Variants in PUDP observed in about 807,000 individuals in gnomAD.
PUDP encodes the protein pseudouridine-5'-phosphatase.
A neutral mutation model predicts 9.4 loss-of-function variants in PUDP; 8 were observed. The observed-to-expected ratio is 0.85, with a 90% CI of 0.50 to 1.53. PUDP has a LOEUF of 1.53. Ranked by LOEUF, PUDP falls within the 40% of genes most tolerant of loss-of-function variation. The pLI, the probability that PUDP is intolerant of heterozygous loss-of-function variation, is 0.00. For synonymous variants in PUDP, 99 were observed against 80.7 expected, an observed-to-expected ratio of 1.23 and a Z score of -1.22; for missense variants, 188 against 189.7, an observed-to-expected ratio of 0.99 and a Z score of 0.05.
At chrX:7,079,365 G>A (rs1421974426) in intron 2 of PUDP, among the ~76,000 whole-genome samples, 2 of 112,310 alleles carry the variant, frequency 1.8e-5, no homozygotes, top group Non-Finnish European at 3.8e-5. Flanking sequence ...AAACACAAAC[G>A]TAGAAGGAAG....
intron 3 of PUDP, among the ~76,000 whole-genome samples, chrX:6,741,179 C>T (rs1771227199): frequency 2.8e-5 from 3 of 107,388 alleles, no homozygotes; most frequent in South Asian, 7.8e-4. Context: ...AAAAAAAACT[C>T]GGCAGAGACT....
intron 3 of PUDP, among the ~76,000 whole-genome samples, chrX:6,775,307 A>G (rs765257516): frequency 8.9e-6 from 1 of 112,118 alleles, no homozygotes; most frequent in South Asian, 3.7e-4. Flanking sequence ...ATACTATTCA[A>G]CTGTATAGAT....
intron 3 of PUDP, among the ~76,000 whole-genome samples, chrX:6,901,549 G>A (rs750042316): frequency 4.5e-5 from 5 of 112,182 alleles, no homozygotes; most frequent in East Asian, 2.8e-4. Flanking sequence ...CTTGCTCCAC[G>A]GGGCGCAGCC....
At chrX:6,735,578 T>C (rs1354399178) in intron 3 of PUDP, among the ~76,000 whole-genome samples, 1 of 112,291 alleles carries the variant, frequency 8.9e-6, no homozygotes, top group Non-Finnish European at 1.9e-5. Flanking sequence ...TTTCACATAA[T>C]GATCTACCCA....
chrX:6,865,965 G>A (rs1292538970), intron 3 of PUDP, among the ~76,000 whole-genome samples: 1 of 111,302 alleles, frequency 9.0e-6, no homozygotes, highest in Non-Finnish European at 1.9e-5. Context: ...CTGTTGCCCA[G>A]GCCGGAGTAC....
intron 3 of PUDP, among the ~76,000 whole-genome samples, chrX:6,860,751 C>T (rs976956806): frequency 1.8e-5 from 2 of 112,232 alleles, no homozygotes; most frequent in Non-Finnish European, 3.8e-5. Flanking sequence ...GGATTACAGG[C>T]GTGAGCCACT....
intron 1 of PUDP, among the ~76,000 whole-genome samples, chrX:6,987,067 G>C (rs1483969955): frequency 8.9e-6 from 1 of 112,026 alleles, no homozygotes; most frequent in Non-Finnish European, 1.9e-5. Flanking sequence ...AGTCACCTCT[G>C]ATGTGGGAAA....
intron 3 of PUDP, among the ~76,000 whole-genome samples, chrX:6,932,804 A>C (rs998298296): frequency 2.7e-5 from 3 of 111,410 alleles, no homozygotes; most frequent in Admixed American, 9.4e-5. Flanking sequence ...AAAACGGCGC[A>C]CCACGAGATT....
At chrX:6,921,188 G>A (rs192019106) in intron 3 of PUDP, among the ~76,000 whole-genome samples, 7 of 110,171 alleles carry the variant, frequency 6.4e-5, no homozygotes, top group East Asian at 5.8e-4. Flanking sequence ...GTTCAGGACC[G>A]GCCTGGACAA....
Position 7,077,426 on chromosome X carries a change from G to C in PUDP, c.304C>G (p.Leu102Val), listed in dbSNP as rs772807128. 1 of 1,208,419 alleles carries C rather than the reference G, an allele frequency of 8.3e-7. No homozygotes were observed. The highest frequency in any genetic ancestry group is 1.1e-6 in the Non-Finnish European group (1 of 894,347). The stretch of plus-strand genomic sequence containing the variant: ...GCAAAGGGGATGCCATGTTTCCGCA[G>C]GTGGATGATGAGTTTCTCCGCCCCT... ...MPGAEKLIIH[L>V]RKHGIPFALA... The change falls in exon 3 of 4, where the codon CTG becomes GTG. Residue 102 changes from leucine to valine, a missense_variant. By Grantham distance (32) the Leu-to-Val change is conservative. Transcript: ENST00000381077.
chrX:6,907,145 T>A (rs1363272935), intron 3 of PUDP, among the ~76,000 whole-genome samples: 1 of 110,755 alleles, frequency 9.0e-6, no homozygotes, highest in Admixed American at 9.6e-5. Context: ...GTTACCCCCA[T>A]GCTGCTATTC....
intron 1 of PUDP, among the ~76,000 whole-genome samples, chrX:6,984,354 G>C (rs942813795): frequency 7.1e-5 from 8 of 111,944 alleles, no homozygotes; most frequent in Non-Finnish European, 1.3e-4. Flanking sequence ...CCAAACCTGT[G>C]AATATACTAA....
intron 1 of PUDP, among the ~76,000 whole-genome samples, chrX:6,993,105 G>T (rs1272604451): frequency 8.9e-6 from 1 of 111,780 alleles, no homozygotes; most frequent in East Asian, 2.8e-4. Context: ...ACTCAGACTG[G>T]CTTCCTTCCT....
intron 1 of PUDP, among the ~76,000 whole-genome samples, chrX:7,006,811 A>T (rs1929409737): frequency 9.0e-6 from 1 of 111,702 alleles, no homozygotes; most frequent in African/African-American, 3.3e-5. Context: ...GACTGACACA[A>T]GAACAGGTGG....
chrX:7,138,219 C>T (rs769730992), intron 1 of PUDP, among the ~76,000 whole-genome samples: 25 of 111,478 alleles, frequency 2.2e-4, no homozygotes, highest in African/African-American at 8.1e-4. Context: ...TCTCGATAAC[C>T]ATCCTAGACT....
chrX:7,071,448 C>G (rs375436593), intron 3 of PUDP, among the ~76,000 whole-genome samples: 1 of 111,102 alleles, frequency 9.0e-6, no homozygotes, highest in African/African-American at 3.3e-5. Flanking sequence ...CCTATTGTAC[C>G]ATGTGTAAAC....
At chrX:7,032,895 T>C (rs1474869692) in intron 1 of PUDP, among the ~76,000 whole-genome samples, 2 of 112,085 alleles carry the variant, frequency 1.8e-5, no homozygotes, top group East Asian at 5.6e-4. Context: ...ATATTGAGTG[T>C]CAACTTGATT....
intron 3 of PUDP, among the ~76,000 whole-genome samples, chrX:6,975,925 C>T (rs928425351): frequency 8.9e-6 from 1 of 112,277 alleles, no homozygotes; most frequent in African/African-American, 3.2e-5. Context: ...TCTTGTGAGG[C>T]AGTCTGGCTG....
intron 3 of PUDP, among the ~76,000 whole-genome samples, chrX:6,860,794 A>C (rs2146728026): frequency 8.9e-6 from 1 of 112,417 alleles, no homozygotes; most frequent in South Asian, 3.7e-4. Context: ...TAACACTCTC[A>C]TGTTCTGCCT....
Sources: allele counts gnomAD v4.1 joint callset (sites outside exome capture counted in the v4.1 genomes callset), GRCh38; gene constraint gnomAD v4.1.1; transcripts MANE v1.5; gene names NCBI Gene and HGNC (gene_info 2026-07-23, HGNC 2026-07-21).